Variants in RFTN1 observed in about 807,000 individuals in gnomAD.
RFTN1 encodes raftlin, lipid raft linker 1.
In RFTN1, 26 loss-of-function variants were observed where a neutral mutation model predicts 46.5. The ratio of observed to expected loss-of-function variants is 0.56; its 90% confidence interval spans 0.41 to 0.78. The LOEUF is 0.78. Ranked by LOEUF, RFTN1 falls within the 30% of genes least tolerant of loss-of-function variation. RFTN1 has a pLI of 0.00. For missense variants in RFTN1, 693 were observed against 718.7 expected, an observed-to-expected ratio of 0.96 and a Z score of 0.41; for synonymous variants, 261 against 284.2, an observed-to-expected ratio of 0.92 and a Z score of 0.82.
chr3:16,346,963 G>C lies in RFTN1; in HGVS notation c.1146+10969C>G, dbSNP rs2071763578. 6.6e-6 allele frequency among the ~76,000 whole-genome samples: 1 copy of C among 152,166 alleles called. No individual in the cohort carries two copies. Among genetic ancestry groups the C allele is most frequent in the African/African-American group, 2.4e-5 (1 of 41,430 alleles). Reference sequence around the variant, plus strand: ...CTAGACTTCCTGCTCAATGAGATGAGATGAACACCCCTACGGCTTAAGCCA... The same window carrying C: ...CTAGACTTCCTGCTCAATGAGATGACATGAACACCCCTACGGCTTAAGCCA... On this transcript the variant is annotated intron_variant, in intron 7 of 9. Transcript: ENST00000334133. The surrounding 1 kb of genome is among the most constrained non-coding windows in gnomAD (Gnocchi z 4.4).
chr3:16,495,287 C>T (rs1438662084), intron 1 of RFTN1, among the ~76,000 whole-genome samples: 2 of 152,258 alleles, frequency 1.3e-5, no homozygotes, highest in African/African-American at 4.8e-5. Flanking sequence ...AGCCGGCTGG[C>T]ATCCACTGGG....
chr3:16,500,698 G>A lies in RFTN1; in HGVS notation c.-8-6821C>T, dbSNP rs1031705735. Among the ~76,000 whole-genome samples the A allele has an allele frequency of 1.4e-4, 22 of 152,252 alleles. No individual in the cohort carries two copies. The highest frequency in any genetic ancestry group is 9.2e-4 in the Admixed American group (14 of 15,290). On this transcript the variant is annotated intron_variant, in intron 1 of 9. Coordinates refer to ENST00000334133, the MANE Select transcript of RFTN1 (RefSeq NM_015150.2). The surrounding 1 kb of genome is among the most constrained non-coding windows in gnomAD (Gnocchi z 5.9). ...GGCTGAATCAAACCTTAAGTGGGAT[G>A]TCTCTTTGGTAAGCGGTGGATCAGC...
intron 4 of RFTN1, among the ~76,000 whole-genome samples, chr3:16,392,612 C>CGT (rs2074377584): frequency 6.8e-6 from 1 of 146,236 alleles, no homozygotes; most frequent in South Asian, 2.2e-4. Context: ...GTATATATTA[C>CGT]ATATATAAGT....
rs1008497661 is a variant in RFTN1 at position 16,400,166 on chromosome 3, C to G, written c.441+9209G>C. Among the ~76,000 whole-genome samples, 3 of 152,120 alleles carry G rather than the reference C, an allele frequency of 2.0e-5. No homozygotes were observed. Among genetic ancestry groups the G allele is most frequent in the African/African-American group, 7.2e-5 (3 of 41,422 alleles). On this transcript the variant is annotated intron_variant, in intron 4 of 9. Coordinates refer to ENST00000334133, the MANE Select transcript of RFTN1 (RefSeq NM_015150.2). The surrounding 1 kb of genome is among the most constrained non-coding windows in gnomAD (Gnocchi z 4.5). ...CTGGCCTGCAGGGCTGTATGGGGAC[C>G]CGACTCACTCTCCAGCCTCACTCCA...
At position 16,410,133 on chromosome 3, in the gene RFTN1, T is replaced by C. The variant is rs1026869298; in HGVS notation, c.333-650A>G. 2.6e-5 allele frequency among the ~76,000 whole-genome samples: 4 copies of C among 151,580 alleles called. No individual in the cohort carries two copies. Among genetic ancestry groups the C allele is most frequent in the African/African-American group, 9.7e-5 (4 of 41,174 alleles). On this transcript the variant is annotated intron_variant, in intron 3 of 9. Coordinates refer to ENST00000334133, the MANE Select transcript of RFTN1 (RefSeq NM_015150.2). The surrounding 1 kb of genome is among the most constrained non-coding windows in gnomAD (Gnocchi z 4.6). ...TAATATATACATATCCACATCATAG[T>C]AAGACCTCTAAGATGTAGCATCATG... is the stretch of plus-strand genomic sequence containing the variant.
In RFTN1 at chr3:16,317,333, G is replaced by T; in HGVS notation, c.1333-101C>A. On this transcript the variant is annotated intron_variant, in intron 9 of 9. Transcript: ENST00000334133. This position sits in a 1 kb window ranked among gnomAD's most constrained non-coding sequence, Gnocchi z 4.3. The stretch of plus-strand genomic sequence containing the variant: ...TCATACCCACACCATGTCTGAGTGA[G>T]ACATACAATTCCCAGCATCCCCCAG... 1 of 1,263,036 alleles carries T rather than the reference G, an allele frequency of 7.9e-7. No individual in the cohort carries two copies. The highest frequency in any genetic ancestry group is 1.1e-6 in the Non-Finnish European group (1 of 903,680). The allele number at this position is 1,263,036 out of a possible 1,614,324, so 78.2% of individuals were successfully genotyped here.
In RFTN1 at chr3:16,361,821, C is replaced by T. The variant is rs2072851477; in HGVS notation, c.1031-3774G>A. 6.6e-6 allele frequency among the ~76,000 whole-genome samples: 1 copy of T among 152,152 alleles called. No individual in the cohort carries two copies. Among genetic ancestry groups the T allele is most frequent in the Non-Finnish European group, 1.5e-5 (1 of 68,026 alleles). ...TTGGCCTCTTGTGTCTTGGCCATTA[C>T]ATTGAGAGGGCATGCCCCAGTTAGC... On this transcript the variant is annotated intron_variant, in intron 6 of 9. Coordinates refer to ENST00000334133, the MANE Select transcript of RFTN1 (RefSeq NM_015150.2). The surrounding 1 kb of genome is among the most constrained non-coding windows in gnomAD (Gnocchi z 4.3).
intron 6 of RFTN1, among the ~76,000 whole-genome samples, chr3:16,368,540 G>A (rs1157259951): frequency 5.3e-5 from 8 of 152,062 alleles, no homozygotes; most frequent in Non-Finnish European, 4.4e-5. Context: ...GCGTGGTGGC[G>A]GGTGCCTGTA....
intron 6 of RFTN1, among the ~76,000 whole-genome samples, chr3:16,367,540 T>A (rs1285106929): frequency 6.6e-6 from 1 of 152,224 alleles, no homozygotes. Context: ...AGATACGGGC[T>A]GCATACAGGA....
chr3:16,451,639 A>AG lies in RFTN1; in HGVS notation c.146-17603_146-17602insC, dbSNP rs748651779. ...TTCTCTTCGTGTCTTCCACCTAAAA[A>AG]TTTAATGCCTTTTTCATCTTCACTA... is the stretch of plus-strand genomic sequence containing the variant. On this transcript the variant is annotated intron_variant, in intron 2 of 9. Transcript: ENST00000334133. This position sits in a 1 kb window ranked among gnomAD's most constrained non-coding sequence, Gnocchi z 4.2. Among the ~76,000 whole-genome samples the AG allele has an allele frequency of 5.3e-5, 8 of 152,322 alleles. No homozygotes were observed. The highest frequency in any genetic ancestry group is 1.0e-4 in the Non-Finnish European group (7 of 68,030).
At chr3:16,472,424 C>T (rs2076215159) in intron 2 of RFTN1, 1 of 152,234 alleles carries the variant, frequency 6.6e-6, no homozygotes, top group African/African-American at 2.4e-5. Context: ...CCAAGAGCCT[C>T]TAGCCCAGTT....
intron 6 of RFTN1, among the ~76,000 whole-genome samples, chr3:16,360,263 C>T (rs1248731723): frequency 6.6e-6 from 1 of 152,202 alleles, no homozygotes; most frequent in East Asian, 1.9e-4. Flanking sequence ...CCTCAACCTC[C>T]TGGGCTCAAG....
chr3:16,328,306 C>T (rs1317291664), intron 7 of RFTN1, among the ~76,000 whole-genome samples: 1 of 152,176 alleles, frequency 6.6e-6, no homozygotes, highest in Non-Finnish European at 1.5e-5. Flanking sequence ...TCAGAGGCAG[C>T]GCGCGTGACC....
rs1384284212 is a variant in RFTN1 at position 16,447,568 on chromosome 3, T to C, written c.146-13531A>G. On this transcript the variant is annotated intron_variant, in intron 2 of 9. Coordinates refer to ENST00000334133, the MANE Select transcript of RFTN1 (RefSeq NM_015150.2). This position sits in a 1 kb window ranked among gnomAD's most constrained non-coding sequence, Gnocchi z 5.9. ...CCACTAAAGAAAACGGGGTCCCTAA[T>C]GGTGTTTGGGGGCACATGCACATGT... Among the ~76,000 whole-genome samples the C allele has an allele frequency of 1.3e-5, 2 of 152,186 alleles. No homozygotes were observed. The highest frequency in any genetic ancestry group is 2.4e-5 in the African/African-American group (1 of 41,434).
In RFTN1 at chr3:16,352,158, T is replaced by C. The variant is rs1446661359; in HGVS notation, c.1146+5774A>G. 1.3e-5 allele frequency among the ~76,000 whole-genome samples: 2 copies of C among 152,374 alleles called. No individual in the cohort carries two copies. The highest frequency in any genetic ancestry group is 4.1e-4 in the South Asian group (2 of 4,828). On this transcript the variant is annotated intron_variant, in intron 7 of 9. Transcript: ENST00000334133. The surrounding 1 kb of genome is among the most constrained non-coding windows in gnomAD (Gnocchi z 4.6). ...ATTAACCCACCAGCCACCATACCAA[T>C]TGCATCAGCTGTAAGTGCTTTTTCT...
chr3:16,345,455 G>A lies in RFTN1; in HGVS notation c.1146+12477C>T, dbSNP rs2071590696. 6.6e-6 allele frequency among the ~76,000 whole-genome samples: 1 copy of A among 152,296 alleles called. No individual in the cohort carries two copies. The highest frequency in any genetic ancestry group is 2.1e-4 in the South Asian group (1 of 4,820). On this transcript the variant is annotated intron_variant, in intron 7 of 9. Coordinates refer to ENST00000334133, the MANE Select transcript of RFTN1 (RefSeq NM_015150.2). This position sits in a 1 kb window ranked among gnomAD's most constrained non-coding sequence, Gnocchi z 5.2. Reference sequence around the variant, plus strand: ...ATGTTGTGAGGGTGTTTCTGGAAAAGATTAGCATTTGAATGGGTCAACTGA... The same window carrying A: ...ATGTTGTGAGGGTGTTTCTGGAAAAAATTAGCATTTGAATGGGTCAACTGA...
rs559188796 is a variant in RFTN1 at position 16,336,507 on chromosome 3, G to C, written c.1147-9631C>G. The stretch of plus-strand genomic sequence containing the variant: ...CTCTGCGGGAGGGAGGGACAGGCAC[G>C]CTGGCCGGCTAGAGATGTTGTTTTC... On this transcript the variant is annotated intron_variant, in intron 7 of 9. Transcript: ENST00000334133. The surrounding 1 kb of genome is among the most constrained non-coding windows in gnomAD (Gnocchi z 6.0). Among the ~76,000 whole-genome samples the C allele has an allele frequency of 3.4e-4, 52 of 152,314 alleles. No individual in the cohort carries two copies. The highest frequency in any genetic ancestry group is 1.2e-3 in the African/African-American group (49 of 41,564).
intron 4 of RFTN1, among the ~76,000 whole-genome samples, chr3:16,386,844 A>G (rs2074195255): frequency 6.6e-6 from 1 of 152,234 alleles, no homozygotes; most frequent in African/African-American, 2.4e-5. Flanking sequence ...AAAGGTCATA[A>G]GAGCCTACAC....
chr3:16,495,861 C>G (rs1456729369), intron 1 of RFTN1, among the ~76,000 whole-genome samples: 6 of 152,236 alleles, frequency 3.9e-5, no homozygotes, highest in African/African-American at 9.6e-5. Context: ...CTGCATCCCC[C>G]CTTGGGAACA....
Sources: allele counts gnomAD v4.1 joint callset (sites outside exome capture counted in the v4.1 genomes callset), GRCh38; gene constraint gnomAD v4.1.1; non-coding constraint Gnocchi (gnomAD v3.1); transcripts MANE v1.5; gene names NCBI Gene and HGNC (gene_info 2026-07-23, HGNC 2026-07-21).